Variants in ZFAND1 observed in about 807,000 individuals in gnomAD.
ZFAND1 encodes the protein AN1-type zinc finger protein 1.
ZFAND1 carries 40 observed loss-of-function variants against 38.5 expected under a neutral mutation model. The ratio of observed to expected loss-of-function variants is 1.04; its 90% CI spans 0.81 to 1.35. ZFAND1 has a LOEUF of 1.35. Ranked by LOEUF, ZFAND1 falls within the 40% of genes most tolerant of loss-of-function variation. The pLI, the probability that ZFAND1 is intolerant of heterozygous loss-of-function variation, is 0.00. For missense variants in ZFAND1, 346 were observed against 316.3 expected, an observed-to-expected ratio of 1.09 and a Z score of -0.71; for synonymous variants, 117 against 103.6, an observed-to-expected ratio of 1.13 and a Z score of -0.78.
chr8:81,706,294 C>A (rs1424404336), intron 6 of ZFAND1, among the ~76,000 whole-genome samples: 1 of 137,794 alleles, frequency 7.3e-6, no homozygotes, highest in Admixed American at 8.6e-5. Context: ...GAGTTTATTA[C>A]CAGAGACCTT....
chr8:81,708,849 A>C, intron 6 of ZFAND1: 3 of 1,217,664 alleles, frequency 2.5e-6, no homozygotes, highest in Non-Finnish European at 3.2e-6. Context: ...TAGGATAAAA[A>C]TATATCTCAG....
At chr8:81,716,156 G>T (rs894516265) in intron 3 of ZFAND1, among the ~76,000 whole-genome samples, 1 of 152,202 alleles carries the variant, frequency 6.6e-6, no homozygotes, top group Non-Finnish European at 1.5e-5. Context: ...TGAGAGAACA[G>T]ATGTGAAAAT....
At chr8:81,710,775 T>A (rs1172568387) in intron 6 of ZFAND1, among the ~76,000 whole-genome samples, 1 of 152,026 alleles carries the variant, frequency 6.6e-6, no homozygotes, top group Admixed American at 6.5e-5. Flanking sequence ...AAAGAACATA[T>A]AACAATGAAG....
At position 81,713,965 on chromosome 8, in the gene ZFAND1, A is replaced by C. The variant is rs140919879; in HGVS notation, c.433T>G (p.Leu145Val). 2 of 1,612,918 alleles carry C rather than the reference A, an allele frequency of 1.2e-6. No individual in the cohort carries two copies. Among genetic ancestry groups the C allele is most frequent in the African/African-American group, 1.3e-5 (1 of 74,884 alleles). ...KNSETAAKVALMKLKMHADGD... is the reference protein window; with the variant it reads ...KNSETAAKVAVMKLKMHADGD... ...TCAGCATGCATCTTTAATTTCATCAATGCAACCTTTGCAGCTGTTTCACTA... is the reference window on the plus strand; with the variant it reads ...TCAGCATGCATCTTTAATTTCATCACTGCAACCTTTGCAGCTGTTTCACTA... The change falls in exon 6 of 8, where the codon TTG (leucine) becomes GTG (valine). Residue 145 changes from leucine to valine, a missense_variant. Leu to Val is a conservative substitution (Grantham distance 32, BLOSUM62 1). Transcript: ENST00000220669.
At chr8:81,704,907 A>G (rs1254151142) in intron 6 of ZFAND1, among the ~76,000 whole-genome samples, 1 of 152,222 alleles carries the variant, frequency 6.6e-6, no homozygotes, top group Non-Finnish European at 1.5e-5. Context: ...GAAAGCAGCA[A>G]GAAGATAAAT....
At chr8:81,703,270 C>G (rs1302894854) in intron 6 of ZFAND1, 146 bp from the exon 7 acceptor site, 1 of 511,840 alleles carries the variant, frequency 2.0e-6, no homozygotes, top group African/African-American at 2.0e-5. Context: ...TCACAGTAGC[C>G]AAAAACACAC....
At chr8:81,706,366 G>GAAA (rs1563603916) in intron 6 of ZFAND1, among the ~76,000 whole-genome samples, 3 of 6,824 alleles carry the variant, frequency 4.4e-4, no homozygotes, top group Admixed American at 1.8e-3. Context: ...TAAGGAAGGA[G>GAAA]AAACAAAAAA....
chr8:81,720,078 G>T (rs57294500), intron 1 of ZFAND1, among the ~76,000 whole-genome samples: 2,767 of 152,266 alleles, frequency 0.018, 77 homozygotes, highest in African/African-American at 0.061. Context: ...CACTGAAACT[G>T]GGCTAAATCT....
chr8:81,707,732 T>A (rs1406532850), intron 6 of ZFAND1, among the ~76,000 whole-genome samples: 2 of 152,078 alleles, frequency 1.3e-5, no homozygotes, highest in Admixed American at 6.5e-5. Context: ...GAGTAAAAAA[T>A]AAATGAGTAG....
intron 1 of ZFAND1, among the ~76,000 whole-genome samples, chr8:81,719,718 T>A (rs73694735): frequency 0.018 from 2,756 of 152,238 alleles, 76 homozygotes; most frequent in African/African-American, 0.061. Flanking sequence ...CTTGACGTAG[T>A]CTAAATCTTA....
At chr8:81,705,052 G>C (rs536318686) in intron 6 of ZFAND1, among the ~76,000 whole-genome samples, 3 of 152,164 alleles carry the variant, frequency 2.0e-5, no homozygotes, top group Non-Finnish European at 2.9e-5. Flanking sequence ...GGCTCCAGAA[G>C]AGGAGGAGGT....
intron 6 of ZFAND1, chr8:81,708,889 A>C (rs1470622907): frequency 2.3e-6 from 2 of 875,938 alleles, no homozygotes. Flanking sequence ...GATGATTAAA[A>C]AACTAGAGCC....
intron 3 of ZFAND1, 72 bp from the exon 4 acceptor site, chr8:81,715,186 G>A: frequency 6.6e-7 from 1 of 1,522,224 alleles, no homozygotes; most frequent in East Asian, 2.3e-5. Context: ...TATTCTAGAA[G>A]GCAGTATTCA....
In ZFAND1 at chr8:81,702,369, G is replaced by T; in HGVS notation, c.*326C>A. 6.0e-6 allele frequency: 1 copy of T among 166,230 alleles called. No individual in the cohort carries two copies. Among genetic ancestry groups the T allele is most frequent in the Non-Finnish European group, 1.3e-5 (1 of 78,072 alleles). The allele number at this position is 166,230 out of a possible 1,614,324, so 10.3% of individuals were successfully genotyped here. On this transcript the variant is annotated 3_prime_UTR_variant, in exon 8 of 8. Coordinates refer to ENST00000220669, the MANE Select transcript of ZFAND1 (RefSeq NM_024699.3). ...ATCCCTTCCTTTGCCTTTGATCATGGTAAGAAGATGACACAAAGCAGTGTC... is the reference window on the plus strand; with the variant it reads ...ATCCCTTCCTTTGCCTTTGATCATGTTAAGAAGATGACACAAAGCAGTGTC...
chr8:81,721,302 C>G (rs1203091681), upstream of ZFAND1: 4 of 1,546,586 alleles, frequency 2.6e-6, no homozygotes, highest in African/African-American at 4.1e-5. Context: ...CCGTAAGGGG[C>G]GGGGCAAAGC....
chr8:81,705,280 T>A (rs1254600103), intron 6 of ZFAND1, among the ~76,000 whole-genome samples: 2 of 152,086 alleles, frequency 1.3e-5, no homozygotes, highest in African/African-American at 2.4e-5. Context: ...CTATTCAAGA[T>A]GAACATTTTA....
intron 6 of ZFAND1, among the ~76,000 whole-genome samples, chr8:81,711,593 C>T (rs779906359): frequency 2.4e-4 from 36 of 151,696 alleles, no homozygotes; most frequent in Non-Finnish European, 4.1e-4. Context: ...GAAAACACTA[C>T]GAAAAAATAA....
At chr8:81,716,545 T>C (rs1417644973) in intron 3 of ZFAND1, among the ~76,000 whole-genome samples, 1 of 152,204 alleles carries the variant, frequency 6.6e-6, no homozygotes, top group East Asian at 1.9e-4. Context: ...AATGATTTAC[T>C]ACCACAGATC....
In ZFAND1 at chr8:81,714,028, CT is replaced by C. The variant is rs1563608297; in HGVS notation, c.369del (p.Gly124GlufsTer22). On this transcript the variant is annotated frameshift_variant, in exon 6 of 8. Transcript: ENST00000220669. LOFTEE classifies it high-confidence loss of function. ...KLVKDIIDSK[T>X]GETASKRWKG... ...TTCCATCGTTTACTTGCTGTTTCTC[CT>C]GTCTTGGAATCTAAGAAGTGTAAGC... is the stretch of plus-strand genomic sequence containing the variant. 2 of 1,608,732 alleles carry C rather than the reference CT, an allele frequency of 1.2e-6. No homozygotes were observed. The highest frequency in any genetic ancestry group is 1.7e-6 in the Non-Finnish European group (2 of 1,178,302).
Sources: allele counts gnomAD v4.1 joint callset (sites outside exome capture counted in the v4.1 genomes callset), GRCh38; gene constraint gnomAD v4.1.1; transcripts MANE v1.5; gene names NCBI Gene and HGNC (gene_info 2026-07-23, HGNC 2026-07-21).